The following PREX1 variants were observed in gnomAD, a reference collection of about 807,000 sequenced individuals.
PREX1 encodes the protein phosphatidylinositol-3,4,5-trisphosphate dependent Rac exchange factor 1.
A neutral mutation model predicts 198.3 loss-of-function variants in PREX1; 41 were observed. The observed-to-expected ratio is 0.21, with a 90% CI of 0.16 to 0.27. The LOEUF is 0.27. Ranked by LOEUF, PREX1 falls within the 10% of genes least tolerant of loss-of-function variation. The pLI, the probability that PREX1 is intolerant of heterozygous loss-of-function variation, is 1.00. For synonymous variants in PREX1, 843 were observed against 887.2 expected (o/e 0.95, Z 0.89); for missense variants, 1,620 against 2,200.7 (o/e 0.74, Z 5.28).
chr20:48,714,851 C>T (rs1488598412), intron 5 of PREX1, among the ~76,000 whole-genome samples: 1 of 152,174 alleles, frequency 6.6e-6, no homozygotes, highest in African/African-American at 2.4e-5. Flanking sequence ...GTTCCTACTG[C>T]TTCACAGTCT....
chr20:48,737,243 AAG>A (rs1321042490), intron 3 of PREX1, among the ~76,000 whole-genome samples: 26 of 147,104 alleles, frequency 1.8e-4, no homozygotes, highest in African/African-American at 6.6e-4. Context: ...AAAAAAAAAA[AAG>A]ACAGGCAGAG....
intron 39 of PREX1, among the ~76,000 whole-genome samples, chr20:48,627,208 C>T (rs4073098): frequency 0.2 from 11,895 of 58,294 alleles, 557 homozygotes; most frequent in Admixed American, 0.31. Context: ...GTAGGGGGCA[C>T]GGGGTGGGGG....
chr20:48,829,985 G>T (rs1197657404), upstream of PREX1, among the ~76,000 whole-genome samples: 1 of 152,106 alleles, frequency 6.6e-6, no homozygotes, highest in Non-Finnish European at 1.5e-5. Flanking sequence ...TTGGGGGAGG[G>T]GCGTGTCCTG....
intron 16 of PREX1, among the ~76,000 whole-genome samples, chr20:48,658,595 T>C (rs16994003): frequency 0.18 from 26,815 of 152,176 alleles, 2,489 homozygotes; most frequent in Middle Eastern, 0.3. Context: ...CAGACATTGA[T>C]TGAGATGCTG....
chr20:48,658,291 C>T (rs1196176690), intron 16 of PREX1, 63 bp from the exon 17 acceptor site: 8 of 1,537,984 alleles, frequency 5.2e-6, no homozygotes, highest in South Asian at 1.1e-5. Context: ...CCAGCCCCAC[C>T]GTGGCCCCCA....
chr20:48,778,980 G>C (rs915452700), intron 1 of PREX1, among the ~76,000 whole-genome samples: 1 of 152,100 alleles, frequency 6.6e-6, no homozygotes, highest in Non-Finnish European at 1.5e-5. Context: ...ATTAAAAAAA[G>C]CAAGATCCGT....
chr20:48,702,729 G>A (rs1323967889), intron 6 of PREX1, among the ~76,000 whole-genome samples: 6 of 152,212 alleles, frequency 3.9e-5, no homozygotes, highest in Admixed American at 6.5e-5. Flanking sequence ...CTGACTGTCC[G>A]CCTCTGCACT....
intron 14 of PREX1, among the ~76,000 whole-genome samples, chr20:48,671,648 T>C (rs1738223690): frequency 6.6e-6 from 1 of 152,234 alleles, no homozygotes; most frequent in Non-Finnish European, 1.5e-5. Context: ...CCCACTTTCC[T>C]GCTAAGATGC....
intron 1 of PREX1, among the ~76,000 whole-genome samples, chr20:48,815,666 C>T (rs886207643): frequency 6.6e-6 from 1 of 152,170 alleles, no homozygotes; most frequent in Admixed American, 6.5e-5. Flanking sequence ...GGGGTAGATG[C>T]TCTGGTTTCA....
the PREX1 span, among the ~76,000 whole-genome samples, chr20:48,875,556 C>T: frequency 2.6e-5 from 4 of 152,246 alleles, no homozygotes; most frequent in East Asian, 3.9e-4. Context: ...AGCAGGGCCG[C>T]GATCAGTATT....
At chr20:48,793,693 C>T (rs982131829) in intron 1 of PREX1, among the ~76,000 whole-genome samples, 1 of 152,158 alleles carries the variant, frequency 6.6e-6, no homozygotes, top group African/African-American at 2.4e-5. Context: ...TCTCTGAGCC[C>T]GAGGCAAAGG....
intron 1 of PREX1, among the ~76,000 whole-genome samples, chr20:48,790,512 A>C (rs964747968): frequency 6.6e-6 from 1 of 152,176 alleles, no homozygotes; most frequent in African/African-American, 2.4e-5. Flanking sequence ...TGCGGAAAAA[A>C]AAAAGATAAA....
intron 4 of PREX1, among the ~76,000 whole-genome samples, chr20:48,733,958 G>A (rs1445062158): frequency 6.6e-6 from 1 of 152,056 alleles, no homozygotes; most frequent in African/African-American, 2.4e-5. Flanking sequence ...TCACCATGTT[G>A]GCCAGGCTAG....
intron 1 of PREX1, among the ~76,000 whole-genome samples, chr20:48,754,575 G>A (rs1248068376): frequency 1.3e-5 from 2 of 151,838 alleles, no homozygotes; most frequent in Non-Finnish European, 2.9e-5. Context: ...CCGGCAACCT[G>A]ATCTGCTTGG....
chr20:48,712,897 AG>A (rs2089939649), intron 5 of PREX1, among the ~76,000 whole-genome samples: 1 of 152,188 alleles, frequency 6.6e-6, no homozygotes, highest in South Asian at 2.1e-4. Context: ...AGGCCCAGGC[AG>A]GCAGATCACG....
Position 48,637,315 on chromosome 20 carries a change from C to T in PREX1, c.3946+396G>A, listed in dbSNP as rs534364018. Reference sequence around the variant, plus strand: ...AGATCCTGCAGTAGCACCCCCTTGGCTAATTTCTAGAAAGAAGGCAGGGAT... The same window carrying T: ...AGATCCTGCAGTAGCACCCCCTTGGTTAATTTCTAGAAAGAAGGCAGGGAT... On this transcript the variant is annotated intron_variant, in intron 31 of 39. Coordinates refer to ENST00000371941, the MANE Select transcript of PREX1 (RefSeq NM_020820.4). 1.1e-4 allele frequency among the ~76,000 whole-genome samples: 16 copies of T among 152,340 alleles called. No individual in the cohort carries two copies. The South Asian group carries it at 3.3e-3, about 32-fold the overall frequency.
chr20:48,659,259 A>C (rs1601053047), intron 16 of PREX1, among the ~76,000 whole-genome samples: 1 of 141,874 alleles, frequency 7.0e-6, no homozygotes, highest in African/African-American at 2.6e-5. Context: ...GAAGGAAGGA[A>C]GGACGGGCAC....
At chr20:48,838,105 G>T in the PREX1 span, among the ~76,000 whole-genome samples, 1 of 152,202 alleles carries the variant, frequency 6.6e-6, no homozygotes, top group African/African-American at 2.4e-5. Context: ...GCAAAGAAAA[G>T]AAGCCAGGCA....
intron 10 of PREX1, among the ~76,000 whole-genome samples, chr20:48,686,129 G>A (rs1196562399): frequency 1.3e-5 from 2 of 152,140 alleles, no homozygotes; most frequent in Admixed American, 6.5e-5. Flanking sequence ...GGTAGTGGCA[G>A]TGACTGTTTC....
Sources: gnomAD v4.1 joint callset for allele counts (sites outside exome capture counted in the v4.1 genomes callset) on GRCh38, gnomAD v4.1.1 for gene constraint, MANE v1.5 for transcripts, NCBI Gene and HGNC (gene_info 2026-07-23, HGNC 2026-07-21) for gene names.